The following MPRIP variants were observed in gnomAD, a reference collection of about 807,000 sequenced individuals.
MPRIP encodes myosin phosphatase Rho-interacting protein.
A neutral mutation model predicts 234.9 loss-of-function variants in MPRIP; 59 were observed. That is an observed-to-expected ratio of 0.25 (90% CI 0.20 to 0.31). The LOEUF (loss-of-function observed/expected upper bound fraction) is 0.31. MPRIP is among the 10% of genes least tolerant of loss of function. The pLI is 1.00. For missense variants in MPRIP, 2,436 were observed against 3,071.0 expected, an observed-to-expected ratio of 0.79 and a Z score of 4.89; for synonymous variants, 1,144 against 1,263.9, an observed-to-expected ratio of 0.91 and a Z score of 2.01.
chr17:17,151,276 T>TTACAATGAG (rs1201465809), intron 12 of MPRIP, among the ~76,000 whole-genome samples: 1 of 152,140 alleles, frequency 6.6e-6, no homozygotes, highest in Non-Finnish European at 1.5e-5. Context: ...AGTACTGTCT[T>TTACAATGAG]TACAATGAGT....
At chr17:17,057,569 G>T (rs998811247) in intron 1 of MPRIP, 3 of 717,196 alleles carry the variant, frequency 4.2e-6, no homozygotes, top group Non-Finnish European at 7.8e-6. Context: ...GGGTCAGCTA[G>T]AGGGAAAAGG....
rs761005775 is a variant in MPRIP at position 17,165,880 on chromosome 17, G to A, written c.4289G>A (p.Arg1430His). 1.2e-5 allele frequency: 15 copies of A among 1,303,916 alleles called. No individual in the cohort carries two copies. The highest frequency in any genetic ancestry group is 1.1e-4 in the East Asian group (2 of 18,036). 80.8% of individuals were successfully genotyped at this position (1,303,916 alleles called of 1,614,324 possible). Reference sequence around the variant, plus strand: ...TGGGCGGGCACCGAGGCCCAGCTGCGTGAGCAGCTCCGCGCCAGCCTGCTC... The same window carrying A: ...TGGGCGGGCACCGAGGCCCAGCTGCATGAGCAGCTCCGCGCCAGCCTGCTC... ...HQWAGTEAQL[R>H]EQLRASLLQV... Residue 1430 changes from arginine (R) to histidine (H), a missense_variant, in exon 16 of 24, where the codon CGT (arginine) becomes CAT (histidine). By Grantham distance (29) the Arg-to-His change is conservative. Around this residue, in one of 4 missense-constraint regions of MPRIP, gnomAD observed 1,998 missense variants for 2,520.3 expected, o/e 0.79. Coordinates refer to ENST00000651222, the MANE Select transcript of MPRIP (RefSeq NM_001364716.4).
At position 17,188,975 on chromosome 17, in the gene MPRIP, T is replaced by C. The variant is rs1453657266; in HGVS notation, c.*4081T>C. 1.3e-5 allele frequency: 2 copies of C among 152,238 alleles called. No homozygotes were observed. Among genetic ancestry groups the C allele is most frequent in the Non-Finnish European group, 2.9e-5 (2 of 68,060 alleles). 9.4% of individuals were successfully genotyped at this position (152,238 alleles called of 1,614,324 possible). A position where few individuals can be genotyped will look rare whatever the true frequency, so the allele number is the denominator to read the frequency against. On this transcript the variant is annotated 3_prime_UTR_variant, in exon 24 of 24. Coordinates refer to ENST00000651222, the MANE Select transcript of MPRIP (RefSeq NM_001364716.4). ...TGCTCCTTTGTATGTTGGGTGACTT[T>C]AATGGCTGGCCACATACCCCTTTCT... is the stretch of plus-strand genomic sequence containing the variant.
At chr17:17,123,044 A>G (rs1567729878) in intron 3 of MPRIP, among the ~76,000 whole-genome samples, 1 of 152,248 alleles carries the variant, frequency 6.6e-6, no homozygotes, top group Non-Finnish European at 1.5e-5. Flanking sequence ...TGTAAAAAGT[A>G]TTGAAAGACT....
intron 3 of MPRIP, among the ~76,000 whole-genome samples, chr17:17,109,633 C>T (rs982643877): frequency 3.9e-5 from 6 of 152,160 alleles, no homozygotes; most frequent in African/African-American, 1.2e-4. Flanking sequence ...GTTCCATTAG[C>T]GGAGAGGGCC....
chr17:17,128,704 G>A (rs1473698899), intron 4 of MPRIP, among the ~76,000 whole-genome samples: 3 of 152,146 alleles, frequency 2.0e-5, no homozygotes, highest in Non-Finnish European at 4.4e-5. Context: ...AGGTTCTCAC[G>A]TGGCATAACC....
At position 17,093,615 on chromosome 17, in the gene MPRIP, A is replaced by T. The variant is rs80273210; in HGVS notation, c.267+15539A>T. On this transcript the variant is annotated intron_variant, in intron 3 of 23. Coordinates refer to ENST00000651222, the MANE Select transcript of MPRIP (RefSeq NM_001364716.4). ...GGGCCAGATGGGAATTTTAAAGGCA[A>T]TGAGGGGCTTTAATTGTTTTTTCAA... Among the ~76,000 whole-genome samples, 18 of 152,340 alleles carry T rather than the reference A, an allele frequency of 1.2e-4. 1 individual carries two copies. The East Asian group carries it at 3.3e-3, about 28-fold the overall frequency.
At chr17:17,114,750 C>T (rs1470500155) in intron 3 of MPRIP, among the ~76,000 whole-genome samples, 4 of 147,622 alleles carry the variant, frequency 2.7e-5, no homozygotes, top group Admixed American at 2.7e-4. Flanking sequence ...TGGGCCTTAA[C>T]TGGGTGAGGG....
At chr17:17,182,519 C>CTTG (rs2046393737) in intron 23 of MPRIP, 1 of 152,320 alleles carries the variant, frequency 6.6e-6, no homozygotes, top group Non-Finnish European at 1.5e-5. Flanking sequence ...CTGGCTGAGC[C>CTTG]TTGGGCTGAG....
In MPRIP at chr17:17,080,431, G is replaced by T. The variant is rs184493054; in HGVS notation, c.267+2355G>T. On this transcript the variant is annotated intron_variant, in intron 3 of 23. Transcript: ENST00000651222. ...GGCTGGCAGGATCCTGAGACCTGGA[G>T]CAGGAAAACTCCATTTCAGATAGGC... is the stretch of plus-strand genomic sequence containing the variant. Among the ~76,000 whole-genome samples the T allele has an allele frequency of 2.1e-3, 324 of 152,366 alleles. 1 individual carries two copies. Among genetic ancestry groups the T allele is most frequent in the Admixed American group, 8.2e-3 (126 of 15,310 alleles).
At chr17:17,113,206 T>C (rs551794032) in intron 3 of MPRIP, among the ~76,000 whole-genome samples, 2 of 152,350 alleles carry the variant, frequency 1.3e-5, no homozygotes, top group East Asian at 1.9e-4. Context: ...ACTAGTGGTA[T>C]AGCTCTCAAG....
At chr17:17,140,985 C>T (rs1218098510) in intron 7 of MPRIP, among the ~76,000 whole-genome samples, 1 of 152,186 alleles carries the variant, frequency 6.6e-6, no homozygotes, top group African/African-American at 2.4e-5. Context: ...CCACCTCGCC[C>T]AGTAGATCAG....
intron 3 of MPRIP, among the ~76,000 whole-genome samples, chr17:17,112,125 C>T (rs1464538413): frequency 3.3e-5 from 5 of 152,140 alleles, no homozygotes; most frequent in South Asian, 2.1e-4. Context: ...CCTGTGTATG[C>T]GATGGCAGTG....
At chr17:17,055,798 G>A (rs747486647) in intron 1 of MPRIP, among the ~76,000 whole-genome samples, 3 of 152,152 alleles carry the variant, frequency 2.0e-5, no homozygotes, top group African/African-American at 4.8e-5. Flanking sequence ...TTTCCTATAC[G>A]GAAATTGCTG....
chr17:17,051,169 C>T (rs114802332), intron 1 of MPRIP, among the ~76,000 whole-genome samples: 12 of 152,330 alleles, frequency 7.9e-5, no homozygotes, highest in African/African-American at 2.6e-4. Context: ...CGCTGGCTGC[C>T]GCCTCTGGGG....
intron 3 of MPRIP, among the ~76,000 whole-genome samples, chr17:17,087,844 C>T (rs1567706396): frequency 6.6e-6 from 1 of 152,230 alleles, no homozygotes; most frequent in Non-Finnish European, 1.5e-5. Context: ...CTTTGAATCT[C>T]AGGCCGCACT....
chr17:17,057,552 G>C, intron 1 of MPRIP: 1 of 715,474 alleles, frequency 1.4e-6, no homozygotes, highest in South Asian at 1.5e-5. Flanking sequence ...GTCCCCAGAG[G>C]ACCTTGGGGT....
chr17:17,156,435 C>T (rs1221567256), intron 13 of MPRIP, among the ~76,000 whole-genome samples: 5 of 152,234 alleles, frequency 3.3e-5, no homozygotes, highest in Non-Finnish European at 7.3e-5. Flanking sequence ...TTTATTCTTC[C>T]TCTGTGTAGG....
intron 4 of MPRIP, among the ~76,000 whole-genome samples, chr17:17,129,948 C>T (rs566841769): frequency 2.0e-5 from 3 of 152,234 alleles, no homozygotes; most frequent in Non-Finnish European, 2.9e-5. Flanking sequence ...GAGCGAGGCC[C>T]TCTCCTGGGA....
Sources: allele counts gnomAD v4.1 joint callset (sites outside exome capture counted in the v4.1 genomes callset), GRCh38; gene constraint gnomAD v4.1.1; regional missense constraint gnomAD v4.1.1; transcripts MANE v1.5; gene names NCBI Gene and HGNC (gene_info 2026-07-23, HGNC 2026-07-21).